PRKCE: variants seen among roughly 807,000 people sequenced by gnomAD.
PRKCE encodes the protein protein kinase C epsilon.
Under a neutral mutation model 85.4 loss-of-function variants are expected in PRKCE, and 16 were observed. The ratio of observed to expected loss-of-function variants is 0.19; its 90% CI spans 0.13 to 0.28. The LOEUF (loss-of-function observed/expected upper bound fraction) is 0.28. Among genes scored for constraint, PRKCE ranks in the 10% least tolerant of loss-of-function variants. The pLI is 1.00. For missense variants in PRKCE, 573 were observed against 975.2 expected (o/e 0.59, Z 5.49); for synonymous variants, 388 against 371.5 (o/e 1.04, Z -0.51).
chr2:45,656,642 A>T (rs1244927565), intron 1 of PRKCE, among the ~76,000 whole-genome samples: 2 of 152,206 alleles, frequency 1.3e-5, no homozygotes, highest in African/African-American at 2.4e-5. Context: ...ATCTATATAG[A>T]TTTATATAGA....
intron 1 of PRKCE, among the ~76,000 whole-genome samples, chr2:45,790,749 T>C (rs897257461): frequency 6.6e-6 from 1 of 152,254 alleles, no homozygotes; most frequent in Non-Finnish European, 1.5e-5. Context: ...GGATGTACTA[T>C]GCTCTGGGAA....
chr2:46,127,334 G>A (rs1673959343), intron 11 of PRKCE, among the ~76,000 whole-genome samples: 1 of 152,154 alleles, frequency 6.6e-6, no homozygotes, highest in Non-Finnish European at 1.5e-5. Context: ...TTTGAAGCTG[G>A]AGTAGAAACA....
chr2:46,072,259 T>TC (rs1488477292), intron 10 of PRKCE, among the ~76,000 whole-genome samples: 1 of 152,250 alleles, frequency 6.6e-6, no homozygotes, highest in Admixed American at 6.5e-5. Flanking sequence ...AACAATGTGA[T>TC]CAAGTGTTCA....
intron 10 of PRKCE, among the ~76,000 whole-genome samples, chr2:46,032,490 C>A (rs375228908): frequency 6.6e-6 from 1 of 152,216 alleles, no homozygotes; most frequent in Non-Finnish European, 1.5e-5. Context: ...CCTCTTTACC[C>A]CCAGCCTTCC....
chr2:46,018,411 A>G (rs1706350130), intron 10 of PRKCE, among the ~76,000 whole-genome samples: 1 of 152,160 alleles, frequency 6.6e-6, no homozygotes, highest in Non-Finnish European at 1.5e-5. Flanking sequence ...CAGAGGTTAC[A>G]GTGAGCCGAG....
intron 2 of PRKCE, among the ~76,000 whole-genome samples, chr2:45,944,051 A>G (rs185300953): frequency 7.7e-4 from 118 of 152,356 alleles, no homozygotes; most frequent in African/African-American, 2.5e-3. Context: ...TGGAAAGAAT[A>G]TAGGTATTAT....
At chr2:46,182,853 G>A (rs1680135635) in intron 14 of PRKCE, among the ~76,000 whole-genome samples, 1 of 152,156 alleles carries the variant, frequency 6.6e-6, no homozygotes, top group Non-Finnish European at 1.5e-5. Flanking sequence ...TTACCAAAAT[G>A]TCTCCTGGTT....
At chr2:46,104,296 C>CTTTTTTTTTTTTT (rs59018550) in intron 11 of PRKCE, among the ~76,000 whole-genome samples, 11 of 118,496 alleles carry the variant, frequency 9.3e-5, no homozygotes, top group South Asian at 2.9e-4. Flanking sequence ...TCACCTTGTA[C>CTTTTTTTTTTTTT]TTTTTTTTTT....
rs35925836 is a variant in PRKCE at position 45,934,889 on chromosome 2, C to CAAA, written c.413-41526_413-41524dup. On this transcript the variant is annotated intron_variant, in intron 2 of 14. Transcript: ENST00000306156. ...GCAACATGGAGAGACCATGTCTCTA[C>CAAA]AAAAAAAAAAAAAAAATTTAAATTA... 5.6e-4 allele frequency among the ~76,000 whole-genome samples: 61 copies of CAAA among 108,868 alleles called. 1 individual carries two copies. Among genetic ancestry groups the CAAA allele is most frequent in the African/African-American group, 1.7e-3 (49 of 29,640 alleles). 71.4% of individuals were successfully genotyped at this position (108,868 alleles called of 152,430 possible). A position where few individuals can be genotyped will look rare whatever the true frequency, so the allele number is the denominator to read the frequency against.
chr2:46,039,530 T>G lies in PRKCE; in HGVS notation c.1437+29013T>G, dbSNP rs892242899. On this transcript the variant is annotated intron_variant, in intron 10 of 14. Coordinates refer to ENST00000306156, the MANE Select transcript of PRKCE (RefSeq NM_005400.3). ...TCGTGGGGTTTTTTTGTTGTTGTTT[T>G]TTTGTTTGTTTGTTTTAGTAGAGGG... Among the ~76,000 whole-genome samples, 3 of 152,108 alleles carry G rather than the reference T, an allele frequency of 2.0e-5. 1 individual carries two copies. Among genetic ancestry groups the G allele is most frequent in the Non-Finnish European group, 4.4e-5 (3 of 68,026 alleles).
intron 1 of PRKCE, among the ~76,000 whole-genome samples, chr2:45,703,024 C>CG (rs1553382472): frequency 2.7e-5 from 4 of 147,628 alleles, no homozygotes; most frequent in African/African-American, 5.3e-5. Flanking sequence ...CCTTTTTTCC[C>CG]CCCCCGTCAG....
At chr2:45,955,648 C>T (rs960612932) in intron 2 of PRKCE, among the ~76,000 whole-genome samples, 1 of 152,078 alleles carries the variant, frequency 6.6e-6, no homozygotes, top group African/African-American at 2.4e-5. Context: ...GTGAGATGCT[C>T]ATCTCAAAAA....
chr2:45,747,095 A>G (rs1259903847), intron 1 of PRKCE, among the ~76,000 whole-genome samples: 3 of 152,190 alleles, frequency 2.0e-5, no homozygotes, highest in Non-Finnish European at 2.9e-5. Context: ...TTTCTCAGAG[A>G]TTATAACCTC....
intron 2 of PRKCE, among the ~76,000 whole-genome samples, chr2:45,864,060 G>A (rs565685026): frequency 1.3e-5 from 2 of 152,228 alleles, no homozygotes; most frequent in East Asian, 3.9e-4. Flanking sequence ...CTACTTTTTT[G>A]TAGAGGAGGA....
At chr2:46,167,353 C>T (rs1387867522) in intron 14 of PRKCE, among the ~76,000 whole-genome samples, 3 of 152,182 alleles carry the variant, frequency 2.0e-5, no homozygotes, top group African/African-American at 7.2e-5. Flanking sequence ...AGCACAGTGC[C>T]TGATACAGGT....
At chr2:45,835,738 G>A (rs1690814714) in intron 1 of PRKCE, among the ~76,000 whole-genome samples, 1 of 151,924 alleles carries the variant, frequency 6.6e-6, no homozygotes, top group East Asian at 1.9e-4. Flanking sequence ...CTGTAGGCAT[G>A]CACCACCATG....
At position 46,055,242 on chromosome 2, in the gene PRKCE, G is replaced by A. The variant is rs555103017; in HGVS notation, c.1438-30966G>A. Among the ~76,000 whole-genome samples, 770 of 152,302 alleles carry A rather than the reference G, an allele frequency of 5.1e-3. 1 individual carries two copies. Among genetic ancestry groups the A allele is most frequent in the Non-Finnish European group, 7.8e-3 (528 of 68,028 alleles). Reference sequence around the variant, plus strand: ...CAGCCACCACCTTAGATGCTGCCACGGGGCCCTCACAGAGATTTGCTCCTG... The same window carrying A: ...CAGCCACCACCTTAGATGCTGCCACAGGGCCCTCACAGAGATTTGCTCCTG... On this transcript the variant is annotated intron_variant, in intron 10 of 14. Coordinates refer to ENST00000306156, the MANE Select transcript of PRKCE (RefSeq NM_005400.3).
chr2:45,900,705 C>G (rs79369439), intron 2 of PRKCE, among the ~76,000 whole-genome samples: 1 of 152,328 alleles, frequency 6.6e-6, no homozygotes, highest in African/African-American at 2.4e-5. Flanking sequence ...AATGGTTTCA[C>G]AACAGTGTGA....
intron 2 of PRKCE, among the ~76,000 whole-genome samples, chr2:45,912,881 C>A (rs912905486): frequency 6.6e-6 from 1 of 152,124 alleles, no homozygotes; most frequent in Admixed American, 6.5e-5. Flanking sequence ...CCAACCCACG[C>A]CAGAGCCCAG....
Sources: allele counts gnomAD v4.1 joint callset (sites outside exome capture counted in the v4.1 genomes callset), GRCh38; gene constraint gnomAD v4.1.1; transcripts MANE v1.5; gene names NCBI Gene and HGNC (gene_info 2026-07-23, HGNC 2026-07-21).